Variants in KCNT1 observed in about 807,000 individuals in gnomAD.
The protein encoded by KCNT1 is potassium channel subfamily T member 1.
KCNT1 carries 78 observed loss-of-function variants against 147.8 expected under a neutral mutation model. That is an observed-to-expected ratio of 0.53 (90% CI 0.44 to 0.64). The LOEUF (loss-of-function observed/expected upper bound fraction) is 0.64. Ranked by LOEUF, KCNT1 falls within the 30% of genes least tolerant of loss-of-function variation. KCNT1 has a pLI of 0.00. For synonymous variants in KCNT1, 867 were observed against 748.8 expected (o/e 1.16, Z -2.58); for missense variants, 1,419 against 1,750.3 (o/e 0.81, Z 3.38).
chr9:135,756,968 T>TGCCCCC, intron 7 of KCNT1, 36 bp downstream of exon 7: 1 of 852,566 alleles, frequency 1.2e-6, no homozygotes, highest in Non-Finnish European at 1.6e-6. Context: ...TCACAGGGGG[T>TGCCCCC]CCCCACCCTC....
intron 2 of KCNT1, among the ~76,000 whole-genome samples, chr9:135,728,452 C>T (rs1025133793): frequency 1.3e-5 from 2 of 152,250 alleles, no homozygotes; most frequent in Non-Finnish European, 1.5e-5. Flanking sequence ...CCCCCACAGC[C>T]TCACTGCGGA....
rs139034501 is a variant in KCNT1 at position 135,702,288 on chromosome 9, G to C, written c.30G>C (p.Pro10=). The C allele has an allele frequency of 1.6e-5, 25 of 1,608,490 alleles. No homozygotes were observed. Among genetic ancestry groups the C allele is most frequent in the Middle Eastern group, 1.7e-4 (1 of 6,028 alleles). Residue 10 remains proline, a synonymous_variant, in exon 1 of 31, where the codon CCG becomes CCC. Coordinates refer to ENST00000371757, the MANE Select transcript of KCNT1 (RefSeq NM_020822.3). ...CACTCCCTGACGGGGCGCGGACCCC[G>C]GGGGGCGTCTGCCGGGAGGCGCGCG... MPLPDGART[P]GGVCREARGG...
At chr9:135,769,140 C>T (rs1426565806) in intron 15 of KCNT1, among the ~76,000 whole-genome samples, 3 of 61,554 alleles carry the variant, frequency 4.9e-5, no homozygotes, top group East Asian at 2.9e-4. Flanking sequence ...TGGGGCAGGG[C>T]GCATGTGCAC....
At chr9:135,776,958 G>T (rs1479886568) in intron 20 of KCNT1, among the ~76,000 whole-genome samples, 2 of 152,264 alleles carry the variant, frequency 1.3e-5, no homozygotes, top group African/African-American at 2.4e-5. Flanking sequence ...GGAAAATGAT[G>T]ATTGGAAACC....
chr9:135,785,405 C>T lies in KCNT1; in HGVS notation c.3177+75C>T, dbSNP rs772237123. 10 of 1,536,274 alleles carry T rather than the reference C, an allele frequency of 6.5e-6. No individual in the cohort carries two copies. In the Admixed American group the frequency reaches 9.7e-5, roughly 15 times the overall value. On this transcript the variant is annotated intron_variant, in intron 28 of 30. Coordinates refer to ENST00000371757, the MANE Select transcript of KCNT1 (RefSeq NM_020822.3). ...CGCAGCTTCACATGGAGAAGCCTGC[C>T]AGGCCCCACCCACCCACCCACCCAC...
intron 1 of KCNT1, among the ~76,000 whole-genome samples, chr9:135,709,575 A>G (rs546919884): frequency 2.2e-4 from 34 of 152,326 alleles, no homozygotes; most frequent in Admixed American, 3.9e-4. Context: ...TCACTGGCGC[A>G]GGAGACCGTC....
At chr9:135,787,084 AG>A (rs968092686) in intron 29 of KCNT1, among the ~76,000 whole-genome samples, 1 of 152,026 alleles carries the variant, frequency 6.6e-6, no homozygotes, top group Admixed American at 6.5e-5. Context: ...CAGCCAGGGT[AG>A]GGGGGAGACT....
chr9:135,724,964 C>A (rs1326794077), intron 2 of KCNT1, among the ~76,000 whole-genome samples: 1 of 152,202 alleles, frequency 6.6e-6, no homozygotes, highest in East Asian at 1.9e-4. Context: ...AGAGGGGGTG[C>A]CCCTGGGCTC....
At chr9:135,788,499 G>T (rs1002505197) in intron 29 of KCNT1, among the ~76,000 whole-genome samples, 6 of 152,226 alleles carry the variant, frequency 3.9e-5, no homozygotes, top group African/African-American at 7.2e-5. Context: ...TGATGTGACC[G>T]GTGGGCCACC....
In KCNT1 at chr9:135,784,135, G is replaced by A. The variant is rs1165451009; in HGVS notation, c.2943+10G>A. On this transcript the variant is annotated intron_variant, in intron 25 of 30. Coordinates refer to ENST00000371757, the MANE Select transcript of KCNT1 (RefSeq NM_020822.3). The stretch of plus-strand genomic sequence containing the variant: ...CACACTGCTCTACCAGGTCAGCGGG[G>A]AAGCGGCAGCAGGAGGGTGGCGCCT... 6.2e-7 allele frequency: 1 copy of A among 1,600,720 alleles called. No individual in the cohort carries two copies. The highest frequency in any genetic ancestry group is 1.1e-5 in the South Asian group (1 of 91,048).
rs1387278641 is a variant in KCNT1 at position 135,793,661 on chromosome 9, T to C, written c.*1500T>C. The C allele has an allele frequency of 6.6e-6, 1 of 152,410 alleles. No homozygotes were observed. Among genetic ancestry groups the C allele is most frequent in the Non-Finnish European group, 1.5e-5 (1 of 68,198 alleles). 9.4% of individuals were successfully genotyped at this position (152,410 alleles called of 1,614,324 possible). A position where few individuals can be genotyped will look rare whatever the true frequency, so the allele number is the denominator to read the frequency against. ...GTGTCAGGGCAGACAACACAGCAGCTGCTGGAGGGGCCGGCCCTGGCCACA... is the reference window on the plus strand; with the variant it reads ...GTGTCAGGGCAGACAACACAGCAGCCGCTGGAGGGGCCGGCCCTGGCCACA... On this transcript the variant is annotated 3_prime_UTR_variant, in exon 31 of 31. Coordinates refer to ENST00000371757, the MANE Select transcript of KCNT1 (RefSeq NM_020822.3).
chr9:135,756,116 AAGAC>A (rs1831465167), intron 6 of KCNT1, among the ~76,000 whole-genome samples: 2 of 150,202 alleles, frequency 1.3e-5, no homozygotes, highest in Admixed American at 6.6e-5. Flanking sequence ...GTGAATGCTG[AAGAC>A]AGACAGGCTC....
chr9:135,764,195 C>T (rs1223395010), intron 11 of KCNT1, among the ~76,000 whole-genome samples: 1 of 152,164 alleles, frequency 6.6e-6, no homozygotes, highest in Admixed American at 6.5e-5. Context: ...CATGACTCAG[C>T]CTGTAATCCC....
At chr9:135,739,285 G>T (rs1830461784) in intron 2 of KCNT1, among the ~76,000 whole-genome samples, 1 of 152,048 alleles carries the variant, frequency 6.6e-6, no homozygotes, top group African/African-American at 2.4e-5. Flanking sequence ...ACAGCCTGAG[G>T]TCTAGCGTGG....
intron 4 of KCNT1, among the ~76,000 whole-genome samples, chr9:135,751,682 C>T (rs764384896): frequency 6.7e-4 from 102 of 152,324 alleles, no homozygotes; most frequent in Non-Finnish European, 1.2e-3. Flanking sequence ...CTGTGCCCAG[C>T]GTGCCTTGGC....
At chr9:135,751,837 T>C (rs10858163) in intron 4 of KCNT1, among the ~76,000 whole-genome samples, 70,798 of 152,032 alleles carry the variant, frequency 0.47, 16,717 homozygotes, top group South Asian at 0.62. Context: ...TCGGATGCTG[T>C]GCTCTGTGTC....
chr9:135,713,814 C>G (rs537830066), intron 1 of KCNT1, among the ~76,000 whole-genome samples: 2 of 152,206 alleles, frequency 1.3e-5, no homozygotes, highest in African/African-American at 2.4e-5. Flanking sequence ...CCCTGGAAGA[C>G]ACCTGCTTGG....
chr9:135,771,200 AGG>A, intron 18 of KCNT1, 105 bp downstream of exon 18: 2 of 1,059,084 alleles, frequency 1.9e-6, no homozygotes, highest in Non-Finnish European at 2.7e-6. Context: ...CAGGCAGGAC[AGG>A]GGGAGGTGAC....
chr9:135,768,502 T>C (rs1292118709), intron 13 of KCNT1, 108 bp from the exon 14 acceptor site: 9 of 757,540 alleles, frequency 1.2e-5, no homozygotes, highest in Non-Finnish European at 2.0e-5. Flanking sequence ...GTGCACCTGC[T>C]GCACCAGCCT....
Sources: gnomAD v4.1 joint callset for allele counts (sites outside exome capture counted in the v4.1 genomes callset) on GRCh38, gnomAD v4.1.1 for gene constraint, MANE v1.5 for transcripts, NCBI Gene and HGNC (gene_info 2026-07-23, HGNC 2026-07-21) for gene names.